The following RAI14 variants were observed in gnomAD, a reference collection of about 807,000 sequenced individuals.
RAI14 encodes the protein ankycorbin.
A neutral mutation model predicts 115.4 loss-of-function variants in RAI14; 45 were observed. The ratio of observed to expected loss-of-function variants is 0.39; its 90% confidence interval spans 0.31 to 0.50. RAI14 has a LOEUF of 0.50. RAI14 is among the 20% of genes least tolerant of loss of function. The pLI is 0.85. For missense variants in RAI14, 939 were observed against 1,131.2 expected (o/e 0.83, Z 2.44); for synonymous variants, 371 against 415.4 (o/e 0.89, Z 1.30).
chr5:34,681,537 C>T (rs930294116), intron 1 of RAI14, among the ~76,000 whole-genome samples: 1 of 152,114 alleles, frequency 6.6e-6, no homozygotes, highest in Admixed American at 6.5e-5. Context: ...CTCTTTCATC[C>T]AGGCTGAAGT....
At chr5:34,706,164 A>C (rs1358176681) in intron 2 of RAI14, among the ~76,000 whole-genome samples, 1 of 152,200 alleles carries the variant, frequency 6.6e-6, no homozygotes, top group Non-Finnish European at 1.5e-5. Flanking sequence ...CTCTGTCCAT[A>C]GAAGGGAGTT....
At chr5:34,805,554 C>G (rs1754776266) in intron 5 of RAI14, among the ~76,000 whole-genome samples, 1 of 152,204 alleles carries the variant, frequency 6.6e-6, no homozygotes, top group Non-Finnish European at 1.5e-5. Flanking sequence ...AATAAGCTCT[C>G]TCAGGCTGGG....
At chr5:34,815,335 C>T (rs188391676) in intron 12 of RAI14, among the ~76,000 whole-genome samples, 4 of 151,552 alleles carry the variant, frequency 2.6e-5, no homozygotes, top group Non-Finnish European at 4.4e-5. Flanking sequence ...GAGCCGAGAT[C>T]GCGCCACTGC....
chr5:34,736,635 T>C (rs1419986966), intron 2 of RAI14, among the ~76,000 whole-genome samples: 2 of 152,116 alleles, frequency 1.3e-5, no homozygotes. Context: ...ATTCCTGAGC[T>C]CAAGGGATCC....
intron 3 of RAI14, among the ~76,000 whole-genome samples, chr5:34,786,732 G>A (rs569747875): frequency 1.2e-4 from 19 of 152,212 alleles, no homozygotes; most frequent in Admixed American, 9.2e-4. Context: ...GAGCCTCCAC[G>A]TTGGGCACCA....
chr5:34,669,240 A>G (rs1305836693), intron 1 of RAI14, among the ~76,000 whole-genome samples: 2 of 152,174 alleles, frequency 1.3e-5, no homozygotes, highest in African/African-American at 4.8e-5. Context: ...TTTCTTCTAC[A>G]GTCTCTAAAA....
intron 2 of RAI14, among the ~76,000 whole-genome samples, chr5:34,690,020 C>T (rs1166894189): frequency 6.6e-6 from 1 of 152,184 alleles, no homozygotes; most frequent in African/African-American, 2.4e-5. Context: ...TTTACACGGT[C>T]TGGAGGGTAG....
intron 2 of RAI14, among the ~76,000 whole-genome samples, chr5:34,690,592 T>A (rs1485285551): frequency 6.6e-6 from 1 of 152,172 alleles, no homozygotes; most frequent in Non-Finnish European, 1.5e-5. Context: ...AATGGGAGTG[T>A]CGTTTCCGGA....
At chr5:34,784,290 G>C (rs1459823371) in intron 3 of RAI14, among the ~76,000 whole-genome samples, 1 of 152,120 alleles carries the variant, frequency 6.6e-6, no homozygotes, top group Non-Finnish European at 1.5e-5. Flanking sequence ...AGAATAAAAA[G>C]CTTTACCATT....
intron 2 of RAI14, among the ~76,000 whole-genome samples, chr5:34,750,860 T>TTTTTC (rs1746903342): frequency 6.9e-6 from 1 of 144,396 alleles, no homozygotes; most frequent in African/African-American, 2.6e-5. Context: ...TTTTTTTTTT[T>TTTTTC]TTTTTTTTTG....
intron 2 of RAI14, among the ~76,000 whole-genome samples, chr5:34,719,958 C>A (rs1352191916): frequency 6.6e-6 from 1 of 152,008 alleles, no homozygotes; most frequent in South Asian, 2.1e-4. Flanking sequence ...GTCTCCATTA[C>A]TAAAAGTTCA....
chr5:34,761,679 C>T (rs1427765419), intron 3 of RAI14, among the ~76,000 whole-genome samples: 1 of 152,192 alleles, frequency 6.6e-6, no homozygotes, highest in African/African-American at 2.4e-5. Context: ...CACCTGTGCA[C>T]CCAGGTTCTA....
chr5:34,770,030 C>T (rs1335689127), intron 3 of RAI14, among the ~76,000 whole-genome samples: 1 of 152,166 alleles, frequency 6.6e-6, no homozygotes, highest in Non-Finnish European at 1.5e-5. Flanking sequence ...CGCTCAGCTC[C>T]AGTTTATACT....
In RAI14 at chr5:34,757,548, C is replaced by T. The variant is rs75344357; in HGVS notation, c.117C>T (p.Leu39=). The T allele has an allele frequency of 2.4e-4, 387 of 1,613,856 alleles. 2 individuals carry two copies. In the African/African-American group the frequency reaches 4.3e-3, roughly 18 times the overall value. ...NGDAEKVASL[L]GKKGASATKH... is the part of the protein sequence containing the mutation. ...ATGCGGAGAAGGTGGCCTCACTGCT[C>T]GGCAAGAAGGGGGCCAGTGCCACCA... Residue 39 remains leucine (L), a synonymous_variant, in exon 3 of 18, where the codon CTC becomes CTT. Coordinates refer to ENST00000265109, the MANE Select transcript of RAI14 (RefSeq NM_015577.3).
At chr5:34,741,729 C>A (rs1386827575) in intron 2 of RAI14, among the ~76,000 whole-genome samples, 1 of 152,002 alleles carries the variant, frequency 6.6e-6, no homozygotes, top group Non-Finnish European at 1.5e-5. Context: ...CTCTTGTTGA[C>A]CATGGACAGC....
chr5:34,671,329 TA>T (rs1159903255), intron 1 of RAI14, among the ~76,000 whole-genome samples: 1 of 152,202 alleles, frequency 6.6e-6, no homozygotes, highest in African/African-American at 2.4e-5. Flanking sequence ...TTGAGTGAAA[TA>T]AAATTGTGGG....
chr5:34,713,542 G>T (rs374715718), intron 2 of RAI14, among the ~76,000 whole-genome samples: 7 of 152,194 alleles, frequency 4.6e-5, no homozygotes, highest in African/African-American at 1.7e-4. Context: ...CTTCACTGAG[G>T]ATCTGTTTCT....
intron 1 of RAI14, among the ~76,000 whole-genome samples, chr5:34,659,812 A>G (rs1742556168): frequency 6.6e-6 from 1 of 152,170 alleles, no homozygotes. Context: ...TAAAAAAGTG[A>G]AACTGATTAA....
chr5:34,721,354 A>G (rs1742733407), intron 2 of RAI14, among the ~76,000 whole-genome samples: 1 of 149,222 alleles, frequency 6.7e-6, no homozygotes, highest in Non-Finnish European at 1.5e-5. Flanking sequence ...TTGTATACAT[A>G]CATATAAAAT....
Sources: allele counts gnomAD v4.1 joint callset (sites outside exome capture counted in the v4.1 genomes callset), GRCh38; gene constraint gnomAD v4.1.1; transcripts MANE v1.5; gene names NCBI Gene and HGNC (gene_info 2026-07-23, HGNC 2026-07-21).